CTNNA2: variants seen among roughly 807,000 people sequenced by gnomAD.
The protein encoded by CTNNA2 is catenin alpha-2.
Under a neutral mutation model 101.0 loss-of-function variants are expected in CTNNA2, and 42 were observed. That is an observed-to-expected ratio of 0.42 (90% CI 0.32 to 0.54). CTNNA2 has a LOEUF of 0.54. Ranked by LOEUF, CTNNA2 falls within the 20% of genes least tolerant of loss-of-function variation. The probability of loss-of-function intolerance (pLI) is 0.14; values close to 1 mark genes in which losing one functional copy is unlikely to be tolerated. For synonymous variants in CTNNA2, 450 were observed against 456.4 expected, an observed-to-expected ratio of 0.99 and a Z score of 0.18; for missense variants, 871 against 1,223.1, an observed-to-expected ratio of 0.71 and a Z score of 4.29.
At chr2:79,701,012 A>T (rs1312517230) in intron 2 of CTNNA2, among the ~76,000 whole-genome samples, 2 of 152,138 alleles carry the variant, frequency 1.3e-5, no homozygotes, top group Non-Finnish European at 2.9e-5. Context: ...TTGTGGAGTT[A>T]GTCAATAAAT....
At chr2:79,614,066 T>A (rs1407872369) in intron 1 of CTNNA2, among the ~76,000 whole-genome samples, 2 of 152,220 alleles carry the variant, frequency 1.3e-5, no homozygotes, top group African/African-American at 4.8e-5. Context: ...AGCAATTTGG[T>A]GTGACGTAGC....
chr2:79,392,100 G>T (rs917998756), intron 4 of CTNNA2, among the ~76,000 whole-genome samples: 2 of 152,160 alleles, frequency 1.3e-5, no homozygotes, highest in Non-Finnish European at 2.9e-5. Flanking sequence ...TGAAACTGGA[G>T]CTCCAACATA....
At chr2:80,504,304 A>G (rs1020911576) in intron 9 of CTNNA2, among the ~76,000 whole-genome samples, 2 of 152,080 alleles carry the variant, frequency 1.3e-5, no homozygotes, top group African/African-American at 2.4e-5. Flanking sequence ...GGTTCTCTCC[A>G]CTGTAGAGCG....
chr2:79,873,350 G>T (rs1297598699), intron 5 of CTNNA2, among the ~76,000 whole-genome samples: 1 of 152,098 alleles, frequency 6.6e-6, no homozygotes, highest in Non-Finnish European at 1.5e-5. Context: ...CAGCCACTTT[G>T]CTAATGACTA....
chr2:79,235,143 T>A (rs762893927), intron 2 of CTNNA2, among the ~76,000 whole-genome samples: 19 of 152,210 alleles, frequency 1.2e-4, no homozygotes, highest in Admixed American at 9.2e-4. Context: ...CTTTCTCATG[T>A]GGAAGGGCTG....
intron 7 of CTNNA2, among the ~76,000 whole-genome samples, chr2:80,101,444 T>C (rs1209764611): frequency 6.6e-6 from 1 of 152,244 alleles, no homozygotes; most frequent in Non-Finnish European, 1.5e-5. Flanking sequence ...CAATTTTCAC[T>C]TGAGCTGATT....
chr2:79,449,954 G>A (rs560053670), intron 4 of CTNNA2, among the ~76,000 whole-genome samples: 2 of 152,058 alleles, frequency 1.3e-5, no homozygotes, highest in Admixed American at 6.6e-5. Context: ...AACAAGTCTC[G>A]AACGCACAGA....
chr2:79,878,802 TG>T (rs1161904765), intron 6 of CTNNA2, among the ~76,000 whole-genome samples: 1 of 152,232 alleles, frequency 6.6e-6, no homozygotes, highest in Non-Finnish European at 1.5e-5. Flanking sequence ...ATTCTTTTGC[TG>T]TGCAGAAGCT....
intron 3 of CTNNA2, among the ~76,000 whole-genome samples, chr2:79,825,749 A>C (rs1211916289): frequency 6.6e-6 from 1 of 152,224 alleles, no homozygotes; most frequent in Non-Finnish European, 1.5e-5. Context: ...TAGATGGCTA[A>C]GTTGATCTAG....
At chr2:79,993,633 A>G (rs1393108661) in intron 7 of CTNNA2, among the ~76,000 whole-genome samples, 6 of 152,194 alleles carry the variant, frequency 3.9e-5, no homozygotes, top group Admixed American at 3.3e-4. Context: ...GCAAGAGTCT[A>G]CAGATCAGGT....
At chr2:79,910,013 T>C (rs1558633430) in intron 7 of CTNNA2, among the ~76,000 whole-genome samples, 1 of 152,198 alleles carries the variant, frequency 6.6e-6, no homozygotes. Flanking sequence ...AACAGGTGGA[T>C]GGAGAATAAG....
intron 7 of CTNNA2, among the ~76,000 whole-genome samples, chr2:80,053,674 C>T (rs1301132151): frequency 1.3e-5 from 2 of 152,204 alleles, no homozygotes; most frequent in African/African-American, 4.8e-5. Context: ...TAGCAAACTC[C>T]TAGCCCTTGA....
At chr2:79,286,960 A>T (rs1192100869) in intron 2 of CTNNA2, among the ~76,000 whole-genome samples, 1 of 151,958 alleles carries the variant, frequency 6.6e-6, no homozygotes, top group Non-Finnish European at 1.5e-5. Flanking sequence ...ATTTCTTTTT[A>T]TTCTTTTTTT....
chr2:79,683,660 G>A (rs1683736785), intron 2 of CTNNA2, among the ~76,000 whole-genome samples: 1 of 152,186 alleles, frequency 6.6e-6, no homozygotes, highest in Non-Finnish European at 1.5e-5. Flanking sequence ...GCTCTACTTT[G>A]CCAGGTTAGT....
chr2:80,339,177 G>A (rs1212737892), intron 7 of CTNNA2, among the ~76,000 whole-genome samples: 2 of 149,444 alleles, frequency 1.3e-5, no homozygotes, highest in Non-Finnish European at 2.9e-5. Context: ...AATATAACGT[G>A]TGTGTGTGTG....
intron 9 of CTNNA2, among the ~76,000 whole-genome samples, chr2:80,424,855 G>C (rs984520727): frequency 2.0e-5 from 3 of 152,116 alleles, no homozygotes; most frequent in Admixed American, 2.0e-4. Context: ...CAAACGCCTT[G>C]GGGAAAAACT....
intron 18 of CTNNA2, among the ~76,000 whole-genome samples, chr2:80,639,186 G>A (rs563132420): frequency 6.6e-6 from 1 of 152,256 alleles, no homozygotes; most frequent in South Asian, 2.1e-4. Context: ...GGATCAGTAT[G>A]TGTTGTAATA....
At chr2:79,475,700 G>A (rs1169980709) in intron 4 of CTNNA2, among the ~76,000 whole-genome samples, 1 of 141,546 alleles carries the variant, frequency 7.1e-6, no homozygotes, top group Non-Finnish European at 1.5e-5. Flanking sequence ...GCTTTATGTA[G>A]CCTTCTTTAT....
chr2:79,795,051 T>G (rs1042923943), intron 3 of CTNNA2, among the ~76,000 whole-genome samples: 3 of 152,226 alleles, frequency 2.0e-5, no homozygotes, highest in African/African-American at 7.2e-5. Context: ...TAGCCTCATC[T>G]TGACAAGCAT....
Sources: allele counts gnomAD v4.1 joint callset (sites outside exome capture counted in the v4.1 genomes callset), GRCh38; gene constraint gnomAD v4.1.1; transcripts MANE v1.5; gene names NCBI Gene and HGNC (gene_info 2026-07-23, HGNC 2026-07-21).